PTPRR: variants seen among roughly 807,000 people sequenced by gnomAD.
PTPRR encodes the protein protein tyrosine phosphatase receptor type R.
PTPRR carries 38 observed loss-of-function variants against 77.2 expected under a neutral mutation model. The observed-to-expected ratio is 0.49, with a 90% CI of 0.38 to 0.65. PTPRR has a LOEUF of 0.65. Ranked by LOEUF, PTPRR falls within the 30% of genes least tolerant of loss-of-function variation. PTPRR has a pLI of 0.00. For missense variants in PTPRR, 744 were observed against 799.2 expected (o/e 0.93, Z 0.83); for synonymous variants, 299 against 283.1 (o/e 1.06, Z -0.57).
chr12:70,642,208 C>T (rs955160830), intron 13 of PTPRR, among the ~76,000 whole-genome samples: 14 of 151,964 alleles, frequency 9.2e-5, no homozygotes, highest in Middle Eastern at 3.2e-3. Flanking sequence ...TACTAACTGA[C>T]GGTGTAGATT....
At chr12:70,827,369 T>C (rs985549686) in intron 2 of PTPRR, among the ~76,000 whole-genome samples, 1 of 152,038 alleles carries the variant, frequency 6.6e-6, no homozygotes, top group Admixed American at 6.6e-5. Flanking sequence ...ATAACAGAAA[T>C]TTATTTCTCA....
chr12:70,833,975 A>C (rs1034400283), intron 2 of PTPRR, among the ~76,000 whole-genome samples: 2 of 152,144 alleles, frequency 1.3e-5, no homozygotes, highest in African/African-American at 4.8e-5. Context: ...ATATTCAGAC[A>C]GTTATTGATT....
intron 2 of PTPRR, among the ~76,000 whole-genome samples, chr12:70,886,247 T>G (rs1414808434): frequency 6.6e-6 from 1 of 152,192 alleles, no homozygotes; most frequent in African/African-American, 2.4e-5. Flanking sequence ...CAGGACTATT[T>G]TGCAAGGATA....
intron 2 of PTPRR, among the ~76,000 whole-genome samples, chr12:70,777,022 C>T (rs995905282): frequency 6.6e-6 from 1 of 152,000 alleles, no homozygotes; most frequent in African/African-American, 2.4e-5. Flanking sequence ...CAAATATTTT[C>T]TATGTGTACA....
intron 2 of PTPRR, among the ~76,000 whole-genome samples, chr12:70,817,031 A>G (rs1024933975): frequency 1.3e-5 from 2 of 152,136 alleles, no homozygotes; most frequent in African/African-American, 2.4e-5. Flanking sequence ...TCAGTGCTAT[A>G]TAGATCTCCA....
intron 2 of PTPRR, among the ~76,000 whole-genome samples, chr12:70,826,558 T>C (rs1050626798): frequency 6.6e-6 from 1 of 152,126 alleles, no homozygotes; most frequent in Non-Finnish European, 1.5e-5. Flanking sequence ...TAGGCACAAT[T>C]AGAGACAAGG....
intron 2 of PTPRR, among the ~76,000 whole-genome samples, chr12:70,835,706 G>T (rs1307636931): frequency 2.0e-5 from 3 of 152,026 alleles, no homozygotes; most frequent in Non-Finnish European, 4.4e-5. Flanking sequence ...AAGCTTTCAT[G>T]CTAGAAAAGT....
At position 70,892,844 on chromosome 12, in the gene PTPRR, A is replaced by G. The variant is rs1295024567; in HGVS notation, c.192T>C (p.His64=). Residue 64 remains histidine (H), a synonymous_variant, in exon 2 of 14, where the codon CAT becomes CAC. Transcript: ENST00000283228. ...LDIAPQKIYR[H]SYHSSSEAQV... The stretch of plus-strand genomic sequence containing the variant: ...GAGCTTCGGAAGAGGAATGGTAGCT[A>G]TGTCTGTAGATTTTTTGTGGGGCTA... 4.3e-6 allele frequency: 7 copies of G among 1,613,568 alleles called. No individual in the cohort carries two copies. Among genetic ancestry groups the G allele is most frequent in the African/African-American group, 1.3e-5 (1 of 74,982 alleles).
chr12:70,704,734 G>A (rs971314890), intron 6 of PTPRR, among the ~76,000 whole-genome samples: 23 of 151,740 alleles, frequency 1.5e-4, no homozygotes, highest in Non-Finnish European at 2.8e-4. Flanking sequence ...AAACTTATGG[G>A]AAAATTCTAA....
At chr12:70,654,443 C>T (rs1347357892) in intron 13 of PTPRR, among the ~76,000 whole-genome samples, 1 of 152,048 alleles carries the variant, frequency 6.6e-6, no homozygotes, top group African/African-American at 2.4e-5. Flanking sequence ...CTGAGTGTGG[C>T]ACACGCTTGT....
At chr12:70,867,277 A>C (rs1892870268) in intron 2 of PTPRR, among the ~76,000 whole-genome samples, 1 of 152,118 alleles carries the variant, frequency 6.6e-6, no homozygotes, top group Non-Finnish European at 1.5e-5. Flanking sequence ...ACATGATTGT[A>C]TATCTAGAAA....
At chr12:70,789,075 T>A (rs545219598) in intron 2 of PTPRR, 2 of 454,662 alleles carry the variant, frequency 4.4e-6, no homozygotes, top group Admixed American at 3.9e-5. Flanking sequence ...TTTACTAGAA[T>A]TGAAATTCAT....
intron 2 of PTPRR, among the ~76,000 whole-genome samples, chr12:70,859,495 G>C (rs147973068): frequency 3.9e-4 from 59 of 152,072 alleles, no homozygotes; most frequent in African/African-American, 1.3e-3. Context: ...TAATGAAGAA[G>C]GTTGAAGATT....
chr12:70,906,787 G>A (rs1266576122), intron 1 of PTPRR: 1 of 151,900 alleles, frequency 6.6e-6, no homozygotes, highest in Non-Finnish European at 1.5e-5. Context: ...CCTTAAACTA[G>A]CCATTTTGTT....
At chr12:70,767,176 A>G (rs187020035) in intron 2 of PTPRR, among the ~76,000 whole-genome samples, 2 of 152,102 alleles carry the variant, frequency 1.3e-5, no homozygotes, top group African/African-American at 4.8e-5. Flanking sequence ...ATTAACTTTA[A>G]ATGTAAATGG....
chr12:70,912,841 G>A (rs1168931313), intron 1 of PTPRR, among the ~76,000 whole-genome samples: 3 of 152,062 alleles, frequency 2.0e-5, no homozygotes, highest in Admixed American at 6.6e-5. Context: ...TAATATTTTA[G>A]CATTACATCT....
At chr12:70,719,204 G>C (rs1254648421) in intron 6 of PTPRR, among the ~76,000 whole-genome samples, 1 of 152,154 alleles carries the variant, frequency 6.6e-6, no homozygotes, top group Non-Finnish European at 1.5e-5. Context: ...GAATCACCCA[G>C]TATCCTGTGG....
chr12:70,856,463 G>C (rs1474430239), intron 2 of PTPRR, among the ~76,000 whole-genome samples: 1 of 152,178 alleles, frequency 6.6e-6, no homozygotes, highest in Non-Finnish European at 1.5e-5. Flanking sequence ...GAGAAGAAAA[G>C]TGAGACCAGA....
At chr12:70,658,279 A>T (rs1231063265) in intron 12 of PTPRR, among the ~76,000 whole-genome samples, 4 of 152,240 alleles carry the variant, frequency 2.6e-5, no homozygotes, top group Non-Finnish European at 5.9e-5. Context: ...GGCTCAGTTC[A>T]GCATTATTCC....
Sources: gnomAD v4.1 joint callset for allele counts (sites outside exome capture counted in the v4.1 genomes callset) on GRCh38, gnomAD v4.1.1 for gene constraint, MANE v1.5 for transcripts, NCBI Gene and HGNC (gene_info 2026-07-23, HGNC 2026-07-21) for gene names.